CEP152: variants seen among roughly 807,000 people sequenced by gnomAD.
CEP152 encodes centrosomal protein of 152 kDa.
CEP152 carries 132 observed loss-of-function variants against 188.9 expected under a neutral mutation model. That is an observed-to-expected ratio of 0.70 (90% CI 0.61 to 0.81). The LOEUF (loss-of-function observed/expected upper bound fraction) is 0.81, where lower values mean the gene tolerates loss of function less well. Ranked by LOEUF, CEP152 falls within the 30% of genes least tolerant of loss-of-function variation. CEP152 has a pLI of 0.00. For missense variants in CEP152, 1,914 were observed against 1,969.8 expected (o/e 0.97, Z 0.54); for synonymous variants, 649 against 666.6 (o/e 0.97, Z 0.41).
chr15:48,766,219 C>T, intron 17 of CEP152, among the ~76,000 whole-genome samples: 1 of 152,290 alleles, frequency 6.6e-6, no homozygotes, highest in South Asian at 2.1e-4. Context: ...CTTTACTATT[C>T]TTTTTAAGTG....
chr15:48,780,347 A>C (rs1227026244), intron 12 of CEP152, among the ~76,000 whole-genome samples: 4 of 152,174 alleles, frequency 2.6e-5, no homozygotes, highest in Non-Finnish European at 5.9e-5. Context: ...ATTTCTACTT[A>C]CTGAATCTCA....
chr15:48,759,738 T>A (rs1030284128), intron 19 of CEP152, among the ~76,000 whole-genome samples: 2 of 152,184 alleles, frequency 1.3e-5, no homozygotes, highest in African/African-American at 4.8e-5. Flanking sequence ...TCAAGAAACA[T>A]GACATTTCTG....
intron 11 of CEP152, 117 bp downstream of exon 11, chr15:48,782,022 G>A: frequency 1.2e-6 from 1 of 841,596 alleles, no homozygotes; most frequent in Non-Finnish European, 2.0e-6. Flanking sequence ...CCCATGGGCT[G>A]GTTTGAAGGT....
Position 48,784,128 on chromosome 15 carries a change from GA to G in CEP152, c.1174-9del, listed in dbSNP as rs773386414. 5.6e-6 allele frequency: 9 copies of G among 1,608,918 alleles called. No homozygotes were observed. Among genetic ancestry groups the G allele is most frequent in the South Asian group, 2.2e-5 (2 of 90,362 alleles). ...ACGAGAGCAAATGTCTTCCTAAATA[GA>G]AAAAAAGTTCAGGAAGTCATTTTCA... On this transcript the variant is annotated splice_polypyrimidine_tract_variant and intron_variant, in intron 9 of 26. Coordinates refer to ENST00000380950, the MANE Select transcript of CEP152 (RefSeq NM_001194998.2).
rs1438128284 is a variant in CEP152 at position 48,798,013 on chromosome 15, C to A, written c.126G>T (p.Leu42=). ...QLLTDLPHDM[L]DDDLSSPELQ... ...GCTCTGGAGAGGAGAGGTCGTCATC[C>A]AGCATGTCATGGGGAAGGTCTGTGA... Residue 42 remains leucine (L), a synonymous_variant, in exon 3 of 27, where the codon CTG becomes CTT. Transcript: ENST00000380950. The A allele has an allele frequency of 6.2e-7, 1 of 1,614,056 alleles. No individual in the cohort carries two copies. Among genetic ancestry groups the A allele is most frequent in the African/African-American group, 1.3e-5 (1 of 75,042 alleles).
chr15:48,741,785 A>C, intron 25 of CEP152, 81 bp from the exon 26 acceptor site: 1 of 1,610,464 alleles, frequency 6.2e-7, no homozygotes, highest in South Asian at 1.1e-5. Context: ...CTGTTTTCCT[A>C]TTGGCTCTGC....
chr15:48,744,533 T>C (rs1026588741), intron 23 of CEP152, among the ~76,000 whole-genome samples, 190 bp from the exon 24 acceptor site: 8 of 152,154 alleles, frequency 5.3e-5, no homozygotes, highest in African/African-American at 1.9e-4. Context: ...TTATGGTTGC[T>C]TCAATAAATA....
chr15:48,734,587 T>TA (rs34623932), downstream of CEP152, among the ~76,000 whole-genome samples: 12,141 of 128,906 alleles, frequency 0.094, 717 homozygotes, highest in Admixed American at 0.2. Flanking sequence ...GCTTCTCTGA[T>TA]AAAAAAAAAA....
intron 22 of CEP152, among the ~76,000 whole-genome samples, chr15:48,746,155 C>T (rs1257918820): frequency 6.6e-6 from 1 of 152,108 alleles, no homozygotes; most frequent in Non-Finnish European, 1.5e-5. Flanking sequence ...TAATAACCTA[C>T]TAAAGTTATA....
chr15:48,762,498 TGC>T lies in CEP152; in HGVS notation c.2453_2454del (p.Cys818TyrfsTer24). 1.2e-6 allele frequency: 2 copies of T among 1,614,132 alleles called. No homozygotes were observed. The highest frequency in any genetic ancestry group is 1.7e-6 in the Non-Finnish European group (2 of 1,179,998). ...EMAIMIEEQKCTIQQNLEQEK... is the reference protein window; with the variant it reads ...EMAIMIEEQKXTIQQNLEQEK... ...TCTTGTTCTAAGTTTTGCTGGATTG[TGC>T]ACTTCTGCTCTTCTATCATAATTGC... On this transcript the variant is annotated frameshift_variant, in exon 18 of 27. Coordinates refer to ENST00000380950, the MANE Select transcript of CEP152 (RefSeq NM_001194998.2). LOFTEE classifies it high-confidence loss of function.
intron 17 of CEP152, 35 bp from the exon 18 acceptor site, chr15:48,762,707 A>C: frequency 6.2e-7 from 1 of 1,603,386 alleles, no homozygotes; most frequent in Non-Finnish European, 8.5e-7. Flanking sequence ...GAGAAGAACA[A>C]TTTTCAAATA....
chr15:48,790,870 C>A (rs768948656), intron 8 of CEP152, among the ~76,000 whole-genome samples: 1 of 152,160 alleles, frequency 6.6e-6, no homozygotes, highest in Non-Finnish European at 1.5e-5. Flanking sequence ...ATCCGGCCAT[C>A]ACTTTCATTT....
intron 24 of CEP152, among the ~76,000 whole-genome samples, 159 bp from the exon 25 acceptor site, chr15:48,742,259 GATC>G (rs1893035302): frequency 6.6e-6 from 1 of 152,124 alleles, no homozygotes; most frequent in African/African-American, 2.4e-5. Flanking sequence ...GAATATTTTA[GATC>G]ATCATTTTGG....
Position 48,787,168 on chromosome 15 carries a change from T to TTGTTTTTTG in CEP152, c.1173+1632_1173+1633insCAAAAAACA, listed in dbSNP as rs1000169589. 1.5e-4 allele frequency among the ~76,000 whole-genome samples: 21 copies of TTGTTTTTTG among 139,898 alleles called. 1 individual carries two copies. The highest frequency in any genetic ancestry group is 4.7e-4 in the South Asian group (2 of 4,240). 91.8% of individuals were successfully genotyped at this position (139,898 alleles called of 152,430 possible). ...AATAATTTGGTATAGCCTTCGTTTT[T>TTGTTTTTTG]TTTTTTTTTTTTTTCTGGAAAAAGA... On this transcript the variant is annotated intron_variant, in intron 9 of 26. Coordinates refer to ENST00000380950, the MANE Select transcript of CEP152 (RefSeq NM_001194998.2).
rs199753318 is a variant in CEP152 at position 48,756,553 on chromosome 15, T to G, written c.2695A>C (p.Ile899Leu). 1.9e-5 allele frequency: 30 copies of G among 1,603,894 alleles called. No individual in the cohort carries two copies. The highest frequency in any genetic ancestry group is 2.2e-5 in the Non-Finnish European group (26 of 1,179,682). The change falls in exon 20 of 27, where the codon ATA becomes CTA. Residue 899 changes from isoleucine (I) to leucine (L), a missense_variant and splice_region_variant. Ile to Leu is a conservative substitution (Grantham distance 5). Transcript: ENST00000380950. ...EQHEVSVNKR[I>L]SFAVSEAKEK... The stretch of plus-strand genomic sequence containing the variant: ...TTAGCTTCAGAAACAGCAAATGATA[T>G]CTAAAGAACATAACAACATGCATTT...
chr15:48,756,777 ACACT>A (rs1894310823), intron 19 of CEP152, among the ~76,000 whole-genome samples: 2 of 152,186 alleles, frequency 1.3e-5, no homozygotes, highest in African/African-American at 4.8e-5. Context: ...AGACACATAA[ACACT>A]CACACATATA....
chr15:48,797,526 C>A lies in CEP152; in HGVS notation c.315G>T (p.Trp105Cys). ...LYAGEKCGNV[W>C]EENRSKTEDR... Reference sequence around the variant, plus strand: ...CTTCAGTTTTACTTCTATTTTCTTCCCAGACATTACCACATTTTTCTCCAG... The same window carrying A: ...CTTCAGTTTTACTTCTATTTTCTTCACAGACATTACCACATTTTTCTCCAG... The change falls in exon 5 of 27, where the codon TGG (tryptophan) becomes TGT (cysteine). Residue 105 changes from tryptophan to cysteine, a missense_variant. Trp to Cys is a radical substitution (Grantham distance 215). Coordinates refer to ENST00000380950, the MANE Select transcript of CEP152 (RefSeq NM_001194998.2). 1 of 1,614,072 alleles carries A rather than the reference C, an allele frequency of 6.2e-7. No individual in the cohort carries two copies. The highest frequency in any genetic ancestry group is 8.5e-7 in the Non-Finnish European group (1 of 1,179,990).
intron 14 of CEP152, 102 bp downstream of exon 14, chr15:48,768,854 C>T (rs1895315261): frequency 1.2e-6 from 1 of 850,236 alleles, no homozygotes; most frequent in Admixed American, 2.5e-5. Flanking sequence ...TACTTGTCTA[C>T]TAACTCACAT....
chr15:48,788,128 A>C (rs1304506305), intron 9 of CEP152, among the ~76,000 whole-genome samples: 1 of 152,178 alleles, frequency 6.6e-6, no homozygotes, highest in African/African-American at 2.4e-5. Context: ...TAACCTCTCA[A>C]GTTCTAGCCA....
Sources: allele counts gnomAD v4.1 joint callset (sites outside exome capture counted in the v4.1 genomes callset), GRCh38; gene constraint gnomAD v4.1.1; transcripts MANE v1.5; gene names NCBI Gene and HGNC (gene_info 2026-07-23, HGNC 2026-07-21).